Variants in MMEL1 observed in about 807,000 individuals in gnomAD.
MMEL1 encodes membrane metalloendopeptidase like 1, also known as membrane metallo-endopeptidase-like 1.
In MMEL1, 98 loss-of-function variants were observed where a neutral mutation model predicts 117.1. The ratio of observed to expected loss-of-function variants is 0.84; its 90% CI spans 0.71 to 0.99. The LOEUF is 0.99. Ranked by LOEUF, MMEL1 falls within the 50% of genes least tolerant of loss-of-function variation. The probability of loss-of-function intolerance (pLI) is 0.00; values close to 1 mark genes in which losing one functional copy is unlikely to be tolerated. For missense variants in MMEL1, 1,014 were observed against 1,049.1 expected (o/e 0.97, Z 0.46); for synonymous variants, 390 against 415.1 (o/e 0.94, Z 0.74).
chr1:2,600,031 A>G (rs992223281), intron 11 of MMEL1, among the ~76,000 whole-genome samples: 1 of 152,090 alleles, frequency 6.6e-6, no homozygotes, highest in Non-Finnish European at 1.5e-5. Flanking sequence ...GCAGCAGTGC[A>G]ATCTTGGGTC....
At chr1:2,625,651 A>C (rs1429009078) in intron 2 of MMEL1, among the ~76,000 whole-genome samples, 1 of 152,164 alleles carries the variant, frequency 6.6e-6, no homozygotes, top group Non-Finnish European at 1.5e-5. Flanking sequence ...GTGGAAAGTG[A>C]ACGTTTGACT....
In MMEL1 at chr1:2,592,042, C is replaced by A; in HGVS notation, c.2068-15G>T. The A allele has an allele frequency of 6.2e-7, 1 of 1,609,378 alleles. No individual in the cohort carries two copies. Among genetic ancestry groups the A allele is most frequent in the Non-Finnish European group, 8.5e-7 (1 of 1,176,682 alleles). ...TTGAGGTAGGCCTGCAGGCACCAGACAGGAGCTGAGCTCAGGCCTGCCAGC... is the reference window on the plus strand; with the variant it reads ...TTGAGGTAGGCCTGCAGGCACCAGAAAGGAGCTGAGCTCAGGCCTGCCAGC... On this transcript the variant is annotated splice_polypyrimidine_tract_variant and intron_variant, in intron 21 of 23. Coordinates refer to ENST00000378412, the MANE Select transcript of MMEL1 (RefSeq NM_033467.4).
intron 19 of MMEL1, 118 bp from the exon 20 acceptor site, chr1:2,593,084 G>A: frequency 7.5e-7 from 1 of 1,329,740 alleles, no homozygotes; most frequent in Non-Finnish European, 1.0e-6. Context: ...AGTACGGAGA[G>A]CCCACAGTCT....
At chr1:2,616,095 C>G (rs748635078) in intron 2 of MMEL1, among the ~76,000 whole-genome samples, 1 of 151,988 alleles carries the variant, frequency 6.6e-6, no homozygotes, top group African/African-American at 2.4e-5. Context: ...CAGCACTTTG[C>G]GAGGCTGAGG....
At chr1:2,594,689 C>G (rs1039843229) in intron 17 of MMEL1, 101 bp downstream of exon 17, 1 of 1,079,958 alleles carries the variant, frequency 9.3e-7, no homozygotes, top group African/African-American at 1.5e-5. Flanking sequence ...GCACTGGACC[C>G]CAGCCACGCA....
chr1:2,608,921 A>C, intron 6 of MMEL1, among the ~76,000 whole-genome samples: 1 of 152,176 alleles, frequency 6.6e-6, no homozygotes, highest in South Asian at 2.1e-4. Context: ...ATATACACAT[A>C]CACGTATACA....
chr1:2,591,158 C>T (rs1020696295), intron 23 of MMEL1, 69 bp from the exon 24 acceptor site: 42 of 1,171,324 alleles, frequency 3.6e-5, no homozygotes, highest in East Asian at 3.1e-4. Flanking sequence ...TTAAGTTCTC[C>T]GTGATTAAAA....
At chr1:2,613,026 G>C (rs1645153472) in intron 2 of MMEL1, among the ~76,000 whole-genome samples, 1 of 152,190 alleles carries the variant, frequency 6.6e-6, no homozygotes, top group Admixed American at 6.5e-5. Context: ...CTGCAGAGAG[G>C]GTGCTAGAAG....
At chr1:2,622,984 A>G (rs1466202195) in intron 2 of MMEL1, among the ~76,000 whole-genome samples, 1 of 151,854 alleles carries the variant, frequency 6.6e-6, no homozygotes, top group East Asian at 1.9e-4. Flanking sequence ...CCTGGCCAAC[A>G]TGGTGAAACC....
At chr1:2,601,698 C>A (rs942734255) in intron 11 of MMEL1, among the ~76,000 whole-genome samples, 2 of 152,180 alleles carry the variant, frequency 1.3e-5, no homozygotes, top group Non-Finnish European at 2.9e-5. Context: ...ATAGGTAACT[C>A]CAAGAATCAA....
At chr1:2,610,747 T>A (rs1398828680) in intron 4 of MMEL1, among the ~76,000 whole-genome samples, 6 of 152,164 alleles carry the variant, frequency 3.9e-5, no homozygotes, top group Non-Finnish European at 5.9e-5. Flanking sequence ...GAACCGTCCC[T>A]CAAATTCTGT....
In MMEL1 at chr1:2,603,947, G is replaced by T. The variant is rs748484240; in HGVS notation, c.978C>A (p.His326Gln). Reference sequence around the variant, plus strand: ...TCCGGTGGTACAAGGCGATGACGTCGTGTCTCTCCTCCTGGGGTACCGTGG... The same window carrying T: ...TCCGGTGGTACAAGGCGATGACGTCTTGTCTCTCCTCCTGGGGTACCGTGG... ...AKATVPQEER[H>Q]DVIALYHRMG... Residue 326 changes from histidine to glutamine, a missense_variant, in exon 11 of 24, where the codon CAC becomes CAA. Coordinates refer to ENST00000378412, the MANE Select transcript of MMEL1 (RefSeq NM_033467.4). The T allele has an allele frequency of 6.2e-7, 1 of 1,613,756 alleles. No individual in the cohort carries two copies. The highest frequency in any genetic ancestry group is 1.3e-5 in the African/African-American group (1 of 74,908).
At chr1:2,597,920 C>T (rs1025501997) in intron 13 of MMEL1, among the ~76,000 whole-genome samples, 2 of 152,232 alleles carry the variant, frequency 1.3e-5, no homozygotes, top group South Asian at 4.1e-4. Flanking sequence ...ATCACCCCGC[C>T]GCCTCTTCAG....
intron 7 of MMEL1, 27 bp downstream of exon 7, chr1:2,606,947 T>C: frequency 6.3e-7 from 1 of 1,599,782 alleles, no homozygotes; most frequent in Non-Finnish European, 8.5e-7. Context: ...TGTCTGTCTG[T>C]GAGGCTGCTG....
At chr1:2,615,152 G>C (rs1352052365) in intron 2 of MMEL1, among the ~76,000 whole-genome samples, 1 of 152,136 alleles carries the variant, frequency 6.6e-6, no homozygotes, top group Admixed American at 6.5e-5. Context: ...TAAGGATGTG[G>C]AGCATAACTC....
At chr1:2,626,555 T>C (rs545373644) in intron 2 of MMEL1, among the ~76,000 whole-genome samples, 3 of 152,378 alleles carry the variant, frequency 2.0e-5, no homozygotes, top group Admixed American at 6.5e-5. Context: ...TAAAACTTTA[T>C]ATACAAAAAG....
At chr1:2,593,063 C>T in intron 19 of MMEL1, 97 bp from the exon 20 acceptor site, 1 of 1,468,346 alleles carries the variant, frequency 6.8e-7, no homozygotes, top group South Asian at 1.2e-5. Context: ...GCCCCTCCTG[C>T]AGCCAGCCCC....
At chr1:2,604,122 T>TACCCCCCC in intron 10 of MMEL1, 25 bp downstream of exon 10, 3 of 1,357,430 alleles carry the variant, frequency 2.2e-6, no homozygotes, top group Non-Finnish European at 2.1e-6. Flanking sequence ...CGCTGCCCGC[T>TACCCCCCC]CCCCACCCGC....
rs1019661673 is a variant in MMEL1 at position 2,595,122 on chromosome 1, G to A, written c.1584+154C>T. Among the ~76,000 whole-genome samples, 3 of 152,208 alleles carry A rather than the reference G, an allele frequency of 2.0e-5. No homozygotes were observed. Among genetic ancestry groups the A allele is most frequent in the Non-Finnish European group, 4.4e-5 (3 of 68,036 alleles). On this transcript the variant is annotated intron_variant, in intron 16 of 23. Coordinates refer to ENST00000378412, the MANE Select transcript of MMEL1 (RefSeq NM_033467.4). The surrounding 1 kb of genome is among the most constrained non-coding windows in gnomAD (Gnocchi z 4.8). ...TCAGTTTCCCCATCTGTACACTGAG[G>A]GTAGTGCTGGAGCCACCACCCTAGG...
Sources: allele counts gnomAD v4.1 joint callset (sites outside exome capture counted in the v4.1 genomes callset), GRCh38; gene constraint gnomAD v4.1.1; non-coding constraint Gnocchi (gnomAD v3.1); transcripts MANE v1.5; gene names NCBI Gene and HGNC (gene_info 2026-07-23, HGNC 2026-07-21).